The following PTPN13 variants were observed in gnomAD, a reference collection of about 807,000 sequenced individuals.
The protein encoded by PTPN13 is protein tyrosine phosphatase non-receptor type 13.
Under a neutral mutation model 284.0 loss-of-function variants are expected in PTPN13, and 191 were observed. The observed-to-expected ratio is 0.67, with a 90% confidence interval of 0.60 to 0.76. The LOEUF (loss-of-function observed/expected upper bound fraction) is 0.76. Among genes scored for constraint, PTPN13 ranks in the 30% least tolerant of loss-of-function variants. PTPN13 has a pLI of 0.00. For synonymous variants in PTPN13, 986 were observed against 1,022.3 expected, an observed-to-expected ratio of 0.96 and a Z score of 0.68; for missense variants, 2,797 against 2,939.9, an observed-to-expected ratio of 0.95 and a Z score of 1.12.
intron 2 of PTPN13, among the ~76,000 whole-genome samples, chr4:86,672,080 C>T (rs1055757683): frequency 2.0e-5 from 3 of 152,140 alleles, no homozygotes; most frequent in Non-Finnish European, 4.4e-5. Context: ...AAGTTTAATT[C>T]TTAAGAACAA....
At chr4:86,678,958 A>G (rs1400856728) in intron 3 of PTPN13, among the ~76,000 whole-genome samples, 2 of 152,170 alleles carry the variant, frequency 1.3e-5, no homozygotes, top group Admixed American at 6.5e-5. Flanking sequence ...TTGAAAACCC[A>G]TATATAATCT....
chr4:86,807,439 C>T (rs571032317), intron 44 of PTPN13, 121 bp from the exon 45 acceptor site: 7 of 702,228 alleles, frequency 1.0e-5, no homozygotes, highest in East Asian at 2.6e-5. Context: ...TATTAAAATA[C>T]GTTGGTGATT....
At chr4:86,715,824 A>G (rs1578480260) in intron 7 of PTPN13, among the ~76,000 whole-genome samples, 1 of 152,200 alleles carries the variant, frequency 6.6e-6, no homozygotes. Flanking sequence ...AGTGACATGA[A>G]TAGTGCTCAG....
chr4:86,668,729 G>T (rs1017443878), intron 2 of PTPN13, among the ~76,000 whole-genome samples: 2 of 149,466 alleles, frequency 1.3e-5, no homozygotes, highest in Non-Finnish European at 3.0e-5. Flanking sequence ...CCGAGTACCT[G>T]GGATTACAGG....
chr4:86,676,104 A>C (rs951593613), intron 3 of PTPN13, among the ~76,000 whole-genome samples: 4 of 152,192 alleles, frequency 2.6e-5, no homozygotes, highest in African/African-American at 4.8e-5. Context: ...AAATGCCCTT[A>C]ATCACACTAT....
chr4:86,628,723 A>G (rs1332333379), intron 1 of PTPN13, among the ~76,000 whole-genome samples: 5 of 134,476 alleles, frequency 3.7e-5, no homozygotes, highest in South Asian at 5.3e-4. Context: ...TCATTGTTCA[A>G]TTCCCACCTA....
intron 23 of PTPN13, among the ~76,000 whole-genome samples, chr4:86,760,768 A>G (rs1343871966): frequency 2.0e-5 from 3 of 152,096 alleles, no homozygotes; most frequent in Non-Finnish European, 2.9e-5. Flanking sequence ...TAAAAGCATA[A>G]TGTTAAAAGT....
At position 86,750,610 on chromosome 4, in the gene PTPN13, A is replaced by AT; in HGVS notation, c.2793dup (p.Leu932SerfsTer24). 1 of 1,613,980 alleles carries AT rather than the reference A, an allele frequency of 6.2e-7. No homozygotes were observed. The highest frequency in any genetic ancestry group is 8.5e-7 in the Non-Finnish European group (1 of 1,179,886). ...TCGACCTTTATCAGTTCAAGCTGAG[A>AT]TTCTGAAGAGGCTATCCTGCTCAGA... On this transcript the variant is annotated frameshift_variant, in exon 18 of 48. Transcript: ENST00000411767. LOFTEE classifies it high-confidence loss of function.
At position 86,701,574 on chromosome 4, in the gene PTPN13, G is replaced by A. The variant is rs115836094; in HGVS notation, c.968G>A (p.Arg323His). ...TCAGGAGAGACTGCCACATATCGTCGTTGTCACCCTGAGGCAGTAACAGTG... is the reference window on the plus strand; with the variant it reads ...TCAGGAGAGACTGCCACATATCGTCATTGTCACCCTGAGGCAGTAACAGTG... ...FSSGETATYR[R>H]CHPEAVTVRT... Residue 323 changes from arginine to histidine, a missense_variant, in exon 7 of 48, where the codon CGT becomes CAT. Coordinates refer to ENST00000411767, the MANE Select transcript of PTPN13 (RefSeq NM_080683.3). The A allele has an allele frequency of 7.0e-4, 1,135 of 1,613,780 alleles. 6 individuals carry two copies. In the African/African-American group the frequency reaches 0.013, roughly 19 times the overall value.
At chr4:86,612,812 A>G (rs1720064006) in intron 1 of PTPN13, among the ~76,000 whole-genome samples, 1 of 152,244 alleles carries the variant, frequency 6.6e-6, no homozygotes, top group Non-Finnish European at 1.5e-5. Flanking sequence ...AGAAGAAGGC[A>G]TAGTGACATC....
intron 2 of PTPN13, among the ~76,000 whole-genome samples, chr4:86,645,419 G>A (rs1240203899): frequency 6.6e-6 from 1 of 152,020 alleles, no homozygotes; most frequent in Non-Finnish European, 1.5e-5. Context: ...ATCCAGATTA[G>A]AAAAAAGCAG....
At chr4:86,752,359 ATTACT>A (rs1349070958) in intron 19 of PTPN13, among the ~76,000 whole-genome samples, 5 of 152,276 alleles carry the variant, frequency 3.3e-5, no homozygotes, top group South Asian at 2.1e-4. Flanking sequence ...TGGAAGCAAC[ATTACT>A]TTATTAATGT....
At chr4:86,767,024 A>G (rs765374440) in intron 27 of PTPN13, among the ~76,000 whole-genome samples, 1 of 151,808 alleles carries the variant, frequency 6.6e-6, no homozygotes, top group Admixed American at 6.6e-5. Flanking sequence ...GGCTCAGGTG[A>G]TCCCCCTGCC....
intron 1 of PTPN13, among the ~76,000 whole-genome samples, chr4:86,621,647 G>A (rs999785989): frequency 6.6e-6 from 1 of 152,156 alleles, no homozygotes; most frequent in Non-Finnish European, 1.5e-5. Context: ...ATTACTGGGT[G>A]TTGCCCCAGA....
intron 42 of PTPN13, among the ~76,000 whole-genome samples, chr4:86,801,442 G>C (rs566339673): frequency 6.6e-6 from 1 of 152,206 alleles, no homozygotes; most frequent in East Asian, 1.9e-4. Context: ...TTTTTGGGGG[G>C]TGAGGGGGCA....
chr4:86,732,781 T>G lies in PTPN13; in HGVS notation c.1858+15T>G, dbSNP rs752298596. On this transcript the variant is annotated intron_variant, in intron 12 of 47. Coordinates refer to ENST00000411767, the MANE Select transcript of PTPN13 (RefSeq NM_080683.3). ...TACCCTCAAAGGTACCAAGACATTTTATATTCAGAGTACAGTATAGAAATT... is the reference window on the plus strand; with the variant it reads ...TACCCTCAAAGGTACCAAGACATTTGATATTCAGAGTACAGTATAGAAATT... The G allele has an allele frequency of 6.2e-7, 1 of 1,607,586 alleles. No individual in the cohort carries two copies. The highest frequency in any genetic ancestry group is 8.5e-7 in the Non-Finnish European group (1 of 1,175,730).
intron 28 of PTPN13, 94 bp downstream of exon 28, chr4:86,768,070 G>A (rs1269631962): frequency 1.2e-5 from 14 of 1,138,738 alleles, no homozygotes; most frequent in Non-Finnish European, 1.7e-5. Context: ...TAATGCCCTA[G>A]TTTTGTTCAT....
chr4:86,693,100 G>A (rs1279020595), intron 5 of PTPN13, among the ~76,000 whole-genome samples: 3 of 140,654 alleles, frequency 2.1e-5, no homozygotes, highest in East Asian at 2.0e-4. Flanking sequence ...AAAAGACTTA[G>A]CATTTCACAA....
chr4:86,673,891 G>GAGATGGGGT (rs1321756341), intron 3 of PTPN13, among the ~76,000 whole-genome samples: 1 of 152,100 alleles, frequency 6.6e-6, no homozygotes, highest in East Asian at 1.9e-4. Context: ...ATTTTTAGTA[G>GAGATGGGGT]AGATGGGGTT....
Sources: gnomAD v4.1 joint callset for allele counts (sites outside exome capture counted in the v4.1 genomes callset) on GRCh38, gnomAD v4.1.1 for gene constraint, MANE v1.5 for transcripts, NCBI Gene and HGNC (gene_info 2026-07-23, HGNC 2026-07-21) for gene names.